The following DSCAM variants were observed in gnomAD, a reference collection of about 807,000 sequenced individuals.
DSCAM encodes the protein DS cell adhesion molecule.
Under a neutral mutation model 217.7 loss-of-function variants are expected in DSCAM, and 47 were observed. The observed-to-expected ratio is 0.22, with a 90% CI of 0.17 to 0.28. The LOEUF is 0.28. Among genes scored for constraint, DSCAM ranks in the 10% least tolerant of loss-of-function variants. The pLI is 1.00. For missense variants in DSCAM, 2,080 were observed against 2,618.3 expected (o/e 0.79, Z 4.49); for synonymous variants, 1,056 against 1,015.3 (o/e 1.04, Z -0.76).
chr21:40,807,809 T>C (rs1480190316), intron 1 of DSCAM, among the ~76,000 whole-genome samples: 3 of 152,180 alleles, frequency 2.0e-5, no homozygotes, highest in Admixed American at 2.0e-4. Flanking sequence ...CCTGAATTTC[T>C]ATCCACCTTC....
chr21:40,839,361 A>AT (rs1378300071), intron 1 of DSCAM, among the ~76,000 whole-genome samples: 2 of 152,184 alleles, frequency 1.3e-5, no homozygotes, highest in Non-Finnish European at 2.9e-5. Flanking sequence ...ATGTATGCAG[A>AT]TTTCACCCTC....
intron 32 of DSCAM, among the ~76,000 whole-genome samples, chr21:40,017,231 T>A (rs181964121): frequency 1.5e-3 from 233 of 152,326 alleles, no homozygotes; most frequent in African/African-American, 5.4e-3. Context: ...CTTGAAAATT[T>A]TTTTCCGCGA....
At chr21:40,154,702 T>G (rs113662366) in intron 16 of DSCAM, among the ~76,000 whole-genome samples, 18 of 152,288 alleles carry the variant, frequency 1.2e-4, no homozygotes, top group African/African-American at 3.9e-4. Context: ...TAGGAAAGGA[T>G]GAGATGTCCA....
At chr21:40,200,147 G>A (rs2091055189) in intron 11 of DSCAM, among the ~76,000 whole-genome samples, 1 of 151,640 alleles carries the variant, frequency 6.6e-6, no homozygotes, top group Non-Finnish European at 1.5e-5. Flanking sequence ...TCTGGGGCCT[G>A]AGTCCATTTA....
intron 20 of DSCAM, among the ~76,000 whole-genome samples, chr21:40,094,551 C>G (rs2089652642): frequency 6.6e-6 from 1 of 152,150 alleles, no homozygotes. Flanking sequence ...GGAAACTACC[C>G]AAGGCCAGGG....
At chr21:40,360,766 G>A (rs1434685977) in intron 4 of DSCAM, among the ~76,000 whole-genome samples, 5 of 152,238 alleles carry the variant, frequency 3.3e-5, no homozygotes, top group Middle Eastern at 3.4e-3. Flanking sequence ...ATAGCCCAGC[G>A]ATGAACATAC....
chr21:40,623,419 A>T (rs2089550449), intron 3 of DSCAM, among the ~76,000 whole-genome samples: 1 of 152,240 alleles, frequency 6.6e-6, no homozygotes, highest in African/African-American at 2.4e-5. Context: ...AGCAAAAAGC[A>T]GCTAAAAAAA....
At chr21:40,267,895 T>C (rs2073561574) in intron 11 of DSCAM, among the ~76,000 whole-genome samples, 2 of 141,276 alleles carry the variant, frequency 1.4e-5, no homozygotes, top group African/African-American at 6.1e-5. Context: ...AAACTCCACC[T>C]CAAAAAAAGA....
At chr21:40,171,949 T>C (rs1044687485) in intron 15 of DSCAM, among the ~76,000 whole-genome samples, 3 of 152,220 alleles carry the variant, frequency 2.0e-5, no homozygotes, top group African/African-American at 7.2e-5. Flanking sequence ...AAAATTGTGT[T>C]GACATTGGAA....
intron 3 of DSCAM, among the ~76,000 whole-genome samples, chr21:40,587,469 C>T (rs1210509210): frequency 6.6e-6 from 1 of 152,098 alleles, no homozygotes; most frequent in Non-Finnish European, 1.5e-5. Context: ...GTGTGTACCC[C>T]GTAACTGGCT....
At chr21:40,093,904 T>A in intron 20 of DSCAM, 30 bp from the exon 21 acceptor site, 1 of 1,597,150 alleles carries the variant, frequency 6.3e-7, no homozygotes, top group Non-Finnish European at 8.6e-7. Flanking sequence ...TGTTCCCACA[T>A]TCAAAGAAGC....
In DSCAM at chr21:40,364,517, G is replaced by A. The variant is rs184853728; in HGVS notation, c.655+4582C>T. Among the ~76,000 whole-genome samples the A allele has an allele frequency of 3.5e-3, 512 of 144,882 alleles. 2 individuals are homozygous for A. The highest frequency in any genetic ancestry group is 0.012 in the African/African-American group (484 of 39,398). Reference sequence around the variant, plus strand: ...CACAGGAAGGGGAACATCACACACCGGGGCCTGTTGTGGGATGGGGGGAGG... The same window carrying A: ...CACAGGAAGGGGAACATCACACACCAGGGCCTGTTGTGGGATGGGGGGAGG... On this transcript the variant is annotated intron_variant, in intron 4 of 32. Coordinates refer to ENST00000400454, the MANE Select transcript of DSCAM (RefSeq NM_001389.5).
At chr21:40,293,797 C>T (rs772184971) in intron 10 of DSCAM, among the ~76,000 whole-genome samples, 1 of 152,030 alleles carries the variant, frequency 6.6e-6, no homozygotes, top group African/African-American at 2.4e-5. Context: ...TGCACTCCAG[C>T]CTGGGCGACA....
chr21:40,279,949 C>G (rs747790023), intron 10 of DSCAM, among the ~76,000 whole-genome samples: 1 of 151,850 alleles, frequency 6.6e-6, no homozygotes. Flanking sequence ...ACATCACATA[C>G]TGGGGCCTGT....
At chr21:40,272,046 T>C (rs2073624696) in intron 11 of DSCAM, among the ~76,000 whole-genome samples, 1 of 151,964 alleles carries the variant, frequency 6.6e-6, no homozygotes, top group Non-Finnish European at 1.5e-5. Context: ...TTGAGACTTG[T>C]CTCATTATTT....
At chr21:40,408,163 C>G (rs1203280397) in intron 3 of DSCAM, among the ~76,000 whole-genome samples, 3 of 151,788 alleles carry the variant, frequency 2.0e-5, no homozygotes, top group African/African-American at 7.3e-5. Context: ...AACATGAAAA[C>G]AAAGAATATA....
At chr21:40,225,728 T>C (rs905889568) in intron 11 of DSCAM, among the ~76,000 whole-genome samples, 1 of 152,138 alleles carries the variant, frequency 6.6e-6, no homozygotes, top group African/African-American at 2.4e-5. Context: ...ACGATCTTTG[T>C]TGGGACCATG....
In DSCAM at chr21:40,773,272, G is replaced by C. The variant is rs941744157; in HGVS notation, c.44-64501C>G. ...TGGTTGCTTTAAACAATAGAAATTT[G>C]GTCCAAAATTGAGATGTAGGCAGTG... On this transcript the variant is annotated intron_variant, in intron 1 of 32. Transcript: ENST00000400454. 4.6e-5 allele frequency among the ~76,000 whole-genome samples: 7 copies of C among 152,166 alleles called. No homozygotes were observed. The East Asian group carries it at 1.3e-3, about 29-fold the overall frequency.
Position 40,167,275 on chromosome 21 carries a change from T to G in DSCAM, c.2961A>C (p.Pro987=), listed in dbSNP as rs1416485706. 1 of 1,613,660 alleles carries G rather than the reference T, an allele frequency of 6.2e-7. No individual in the cohort carries two copies. The highest frequency in any genetic ancestry group is 8.5e-7 in the Non-Finnish European group (1 of 1,179,962). The change falls in exon 16 of 33, where the codon CCA becomes CCC. Residue 987 remains proline (P), a synonymous_variant. Transcript: ENST00000400454. ...ITADEAAPDG[P]PQEVHLEPIS... ...TAGGCTCCAGGTGAACTTCCTGAGG[T>G]GGACCATCAGGAGCTGTAAGGACCA... is the stretch of plus-strand genomic sequence containing the variant.
Sources: gnomAD v4.1 joint callset for allele counts (sites outside exome capture counted in the v4.1 genomes callset) on GRCh38, gnomAD v4.1.1 for gene constraint, MANE v1.5 for transcripts, NCBI Gene and HGNC (gene_info 2026-07-23, HGNC 2026-07-21) for gene names.